The following PPP1R21 variants were observed in gnomAD, a reference collection of about 807,000 sequenced individuals.
PPP1R21 encodes the protein KLRAQ motif containing 1.
A neutral mutation model predicts 112.8 loss-of-function variants in PPP1R21; 85 were observed. The observed-to-expected ratio is 0.75, with a 90% CI of 0.63 to 0.90. The LOEUF (loss-of-function observed/expected upper bound fraction) is 0.90. Among genes scored for constraint, PPP1R21 ranks in the 40% least tolerant of loss-of-function variants. The probability of loss-of-function intolerance (pLI) is 0.00; values close to 1 mark genes in which losing one functional copy is unlikely to be tolerated. For synonymous variants in PPP1R21, 381 were observed against 322.3 expected, an observed-to-expected ratio of 1.18 and a Z score of -1.95; for missense variants, 1,199 against 901.5, an observed-to-expected ratio of 1.33 and a Z score of -4.23.
chr2:48,459,992 G>A, intron 5 of PPP1R21, 74 bp downstream of exon 5: 1 of 1,592,320 alleles, frequency 6.3e-7, no homozygotes, highest in Non-Finnish European at 8.6e-7. Context: ...TCCACTTAGA[G>A]TTAGTCATTT....
intron 3 of PPP1R21, 54 bp from the exon 4 acceptor site, chr2:48,458,072 G>A: frequency 8.9e-7 from 1 of 1,129,402 alleles, no homozygotes. Flanking sequence ...TGTACCTTAG[G>A]ATGTTTCTCT....
chr2:48,473,580 T>C (rs767039289), intron 11 of PPP1R21, among the ~76,000 whole-genome samples: 21 of 152,242 alleles, frequency 1.4e-4, no homozygotes, highest in African/African-American at 2.2e-4. Context: ...TTTGGGGGCA[T>C]TGGTTTAAAT....
chr2:48,511,478 G>T lies in PPP1R21; in HGVS notation c.2313+10G>T, dbSNP rs1427920832. On this transcript the variant is annotated intron_variant, in intron 21 of 21. Transcript: ENST00000294952. ...AAAGATGTCCAGTAAGGTATGTGAGGTGAGGTGAGGTAGTCTCTCTGCAAT... is the reference window on the plus strand; with the variant it reads ...AAAGATGTCCAGTAAGGTATGTGAGTTGAGGTGAGGTAGTCTCTCTGCAAT... The T allele has an allele frequency of 6.2e-7, 1 of 1,609,508 alleles. No homozygotes were observed. The highest frequency in any genetic ancestry group is 1.3e-5 in the African/African-American group (1 of 74,642).
intron 9 of PPP1R21, 63 bp from the exon 10 acceptor site, chr2:48,471,024 G>A: frequency 8.7e-7 from 1 of 1,154,702 alleles, no homozygotes; most frequent in Non-Finnish European, 1.3e-6. Flanking sequence ...GGTCCATTTA[G>A]AAATGTGTTG....
At chr2:48,494,238 TCAAAAAAAAA>T (rs1204379979) in intron 15 of PPP1R21, among the ~76,000 whole-genome samples, 1 of 21,742 alleles carries the variant, frequency 4.6e-5, no homozygotes, top group Non-Finnish European at 7.2e-5. Context: ...AGACCTTGTC[TCAAAAAAAAA>T]AAAAAAAAAA....
chr2:48,466,761 A>G (rs915702592), intron 9 of PPP1R21, among the ~76,000 whole-genome samples: 1 of 152,126 alleles, frequency 6.6e-6, no homozygotes, highest in Admixed American at 6.6e-5. Context: ...AGGAAAGCAT[A>G]GGGAGTGTGG....
At chr2:48,469,567 C>CATATATAT (rs58651401) in intron 9 of PPP1R21, among the ~76,000 whole-genome samples, 16 of 87,112 alleles carry the variant, frequency 1.8e-4, no homozygotes, top group Non-Finnish European at 2.4e-4. Flanking sequence ...AGAGAGAGAG[C>CATATATAT]ATATATATAT....
intron 14 of PPP1R21, among the ~76,000 whole-genome samples, chr2:48,489,389 T>A (rs982472450): frequency 2.0e-5 from 3 of 151,218 alleles, no homozygotes; most frequent in Non-Finnish European, 4.4e-5. Context: ...TGGTCTCAAC[T>A]ACTTGGGAGG....
At position 48,479,302 on chromosome 2, in the gene PPP1R21, G is replaced by A. The variant is rs572051358; in HGVS notation, c.1226-622G>A. On this transcript the variant is annotated intron_variant, in intron 12 of 21. Transcript: ENST00000294952. Reference sequence around the variant, plus strand: ...CCGTGTTCTTGGCTATACCTATTGGGAATGGAATTTCTGTCTCCCTGAGCT... The same window carrying A: ...CCGTGTTCTTGGCTATACCTATTGGAAATGGAATTTCTGTCTCCCTGAGCT... 2.0e-5 allele frequency among the ~76,000 whole-genome samples: 3 copies of A among 152,348 alleles called. No individual in the cohort carries two copies. The East Asian group carries it at 5.8e-4, about 29-fold the overall frequency.
At chr2:48,479,284 C>G (rs938010798) in intron 12 of PPP1R21, among the ~76,000 whole-genome samples, 3 of 152,180 alleles carry the variant, frequency 2.0e-5, no homozygotes, top group African/African-American at 7.2e-5. Context: ...GTCCCGTGTT[C>G]TTGGCTATAC....
At chr2:48,474,923 C>A (rs926521680) in intron 12 of PPP1R21, 104 bp downstream of exon 12, 8 of 976,222 alleles carry the variant, frequency 8.2e-6, no homozygotes, top group African/African-American at 3.3e-5. Flanking sequence ...AGCATAGGAT[C>A]TGGCATCAGG....
chr2:48,456,648 A>G (rs746854455), intron 3 of PPP1R21, among the ~76,000 whole-genome samples: 5 of 152,208 alleles, frequency 3.3e-5, no homozygotes, highest in Admixed American at 6.5e-5. Flanking sequence ...GTTTTCCCAT[A>G]TGCATTTCCC....
At chr2:48,453,673 G>A (rs550871128) in intron 2 of PPP1R21, among the ~76,000 whole-genome samples, 1 of 152,126 alleles carries the variant, frequency 6.6e-6, no homozygotes, top group South Asian at 2.1e-4. Context: ...GAACAAAATG[G>A]TCACCAGAGG....
chr2:48,447,936 C>T (rs1002941161), intron 1 of PPP1R21, among the ~76,000 whole-genome samples: 2 of 151,122 alleles, frequency 1.3e-5, no homozygotes, highest in African/African-American at 4.9e-5. Flanking sequence ...GGCAACAGAG[C>T]GAGACTCAGT....
In PPP1R21 at chr2:48,471,076, C is replaced by T. The variant is rs368882914; in HGVS notation, c.898-11C>T. On this transcript the variant is annotated splice_polypyrimidine_tract_variant and intron_variant, in intron 9 of 21. Coordinates refer to ENST00000294952, the MANE Select transcript of PPP1R21 (RefSeq NM_001135629.3). ...AGTGATTTAATTCACAATACTTTCC[C>T]TCCTGTTTAGTTCTCACAATACCTT... The T allele has an allele frequency of 3.0e-5, 46 of 1,545,488 alleles. No individual in the cohort carries two copies. In the African/African-American group the frequency reaches 5.2e-4, roughly 17 times the overall value.
At chr2:48,497,335 G>A (rs1231026519) in intron 16 of PPP1R21, among the ~76,000 whole-genome samples, 2 of 152,126 alleles carry the variant, frequency 1.3e-5, no homozygotes, top group Non-Finnish European at 2.9e-5. Flanking sequence ...GAGGAAAAAC[G>A]ATTTGAGAGT....
intron 14 of PPP1R21, among the ~76,000 whole-genome samples, chr2:48,490,178 C>T (rs2103936022): frequency 6.9e-6 from 1 of 145,292 alleles, no homozygotes; most frequent in East Asian, 2.1e-4. Context: ...GAGATTGTGC[C>T]ACTCCACTCC....
intron 11 of PPP1R21, among the ~76,000 whole-genome samples, chr2:48,471,988 C>T (rs990076829): frequency 3.6e-4 from 55 of 151,962 alleles, no homozygotes; most frequent in Admixed American, 2.0e-4. Context: ...GCCTGTAATC[C>T]CAGCACTTTG....
chr2:48,513,220 TC>T (rs1414265247), intron 21 of PPP1R21, among the ~76,000 whole-genome samples: 4 of 151,914 alleles, frequency 2.6e-5, no homozygotes, highest in African/African-American at 9.7e-5. Flanking sequence ...TTTTTTTTTT[TC>T]TTTGATGGAG....
Sources: gnomAD v4.1 joint callset for allele counts (sites outside exome capture counted in the v4.1 genomes callset) on GRCh38, gnomAD v4.1.1 for gene constraint, MANE v1.5 for transcripts, NCBI Gene and HGNC (gene_info 2026-07-23, HGNC 2026-07-21) for gene names.